NAALAD2: variants seen among roughly 807,000 people sequenced by gnomAD.
NAALAD2 encodes N-acetylated-alpha-linked acidic dipeptidase 2.
A neutral mutation model predicts 95.6 loss-of-function variants in NAALAD2; 89 were observed. The observed-to-expected ratio is 0.93, with a 90% CI of 0.78 to 1.11. The LOEUF (loss-of-function observed/expected upper bound fraction) is 1.11, where lower values mean the gene tolerates loss of function less well. Among genes scored for constraint, NAALAD2 ranks in the 50% least tolerant of loss-of-function variants. The probability of loss-of-function intolerance (pLI) is 0.00; values close to 1 mark genes in which losing one functional copy is unlikely to be tolerated. For missense variants in NAALAD2, 894 were observed against 872.4 expected (o/e 1.02, Z -0.31); for synonymous variants, 264 against 294.4 (o/e 0.90, Z 1.06).
rs137872752 is a variant in NAALAD2 at position 90,168,988 on chromosome 11, A to C, written c.1338A>C (p.Ile446=). Residue 446 remains isoleucine (I), a synonymous_variant, in exon 12 of 19, where the codon ATA becomes ATC. Coordinates refer to ENST00000534061, the MANE Select transcript of NAALAD2 (RefSeq NM_005467.4). ...CTTATATCAACTCGGATTCATCTAT[A>C]GAAGGTAAATTTTATTTCAATTTGA... ...SIAYINSDSS[I]EGNYTLRVDC... is the part of the protein sequence containing the mutation. 12,242 of 1,593,892 alleles carry C rather than the reference A, an allele frequency of 7.7e-3. 63 individuals are homozygous for C. Among genetic ancestry groups the C allele is most frequent in the Non-Finnish European group, 9.3e-3 (10,891 of 1,173,032 alleles).
chr11:90,153,976 T>C (rs1403184450), intron 6 of NAALAD2, among the ~76,000 whole-genome samples: 1 of 152,016 alleles, frequency 6.6e-6, no homozygotes, highest in Non-Finnish European at 1.5e-5. Flanking sequence ...GATTATGTCA[T>C]CTGCAAATGA....
rs753461717 is a variant in NAALAD2, at chr11:90,158,178, T to C, written c.830T>C (p.Val277Ala). ...TTCAGACTTGATGTTGAAGAAGGAG[T>C]GGGAATCCCCCGAATACCTGTACAT... The part of the protein sequence containing the change: ...YTFRLDVEEG[V>A]GIPRIPVHPI... Residue 277 changes from valine to alanine, a missense_variant, in exon 7 of 19, where the codon GTG becomes GCG. Physicochemically the swap from Val to Ala is moderately conservative, Grantham distance 64. Transcript: ENST00000534061. 2 of 1,610,120 alleles carry C rather than the reference T, an allele frequency of 1.2e-6. No homozygotes were observed. The highest frequency in any genetic ancestry group is 1.1e-5 in the South Asian group (1 of 90,188).
intron 14 of NAALAD2, 42 bp from the exon 15 acceptor site, chr11:90,175,926 TTATG>T (rs1565542434): frequency 7.9e-5 from 49 of 620,600 alleles, no homozygotes; most frequent in Non-Finnish European, 1.0e-4. Context: ...ATTTACTTGT[TTATG>T]TGTGTGTGTG....
chr11:90,171,518 T>A (rs114140663), intron 13 of NAALAD2, among the ~76,000 whole-genome samples: 228 of 152,300 alleles, frequency 1.5e-3, no homozygotes, highest in African/African-American at 5.1e-3. Flanking sequence ...TGATTTGTGC[T>A]GTCCTAGAGA....
chr11:90,184,476 C>T (rs1165748812), intron 18 of NAALAD2, among the ~76,000 whole-genome samples: 3 of 151,818 alleles, frequency 2.0e-5, no homozygotes, highest in Non-Finnish European at 2.9e-5. Context: ...TTCATTGATG[C>T]AAATGAAATA....
rs1266174133 is a variant in NAALAD2, at chr11:90,134,853, A to G, written c.82+13A>G. 2 of 1,613,352 alleles carry G rather than the reference A, an allele frequency of 1.2e-6. No individual in the cohort carries two copies. The highest frequency in any genetic ancestry group is 1.7e-6 in the Non-Finnish European group (2 of 1,179,356). ...GGATTTATGGTGGGTAAGTGAACAA[A>G]ACACTCTACCCCGACTCCGGGGCTC... On this transcript the variant is annotated intron_variant, in intron 1 of 18. Coordinates refer to ENST00000534061, the MANE Select transcript of NAALAD2 (RefSeq NM_005467.4).
At chr11:90,154,048 TC>T (rs1951959512) in intron 6 of NAALAD2, among the ~76,000 whole-genome samples, 7 of 147,624 alleles carry the variant, frequency 4.7e-5, no homozygotes, top group South Asian at 2.2e-4. Context: ...TCTCTCTCTC[TC>T]TCTCTGTCTC....
chr11:90,163,500 T>G, intron 10 of NAALAD2, 35 bp from the exon 11 acceptor site: 1 of 1,613,424 alleles, frequency 6.2e-7, no homozygotes, highest in Non-Finnish European at 8.5e-7. Flanking sequence ...TTTTAGGCAG[T>G]TGTACCTAAC....
At position 90,147,342 on chromosome 11, in the gene NAALAD2, G is replaced by A. The variant is rs189670857; in HGVS notation, c.207G>A (p.Lys69=). 3.7e-6 allele frequency: 6 copies of A among 1,612,676 alleles called. No homozygotes were observed. In the East Asian group the frequency reaches 1.1e-4, roughly 30 times the overall value. Residue 69 remains lysine (K), a synonymous_variant, in exon 3 of 19, where the codon AAG becomes AAA. Coordinates refer to ENST00000534061, the MANE Select transcript of NAALAD2 (RefSeq NM_005467.4). The part of the protein sequence containing the change: ...NIKSFLRSFT[K]LPHLAGTEQN... ...ATTTTCATTTTAGTTCTTTTACAAA[G>A]CTTCCTCATCTGGCAGGAACAGAAC...
intron 2 of NAALAD2, among the ~76,000 whole-genome samples, chr11:90,144,637 GA>G (rs1257715931): frequency 6.6e-6 from 1 of 151,460 alleles, no homozygotes; most frequent in African/African-American, 2.4e-5. Context: ...AGCTACTCAG[GA>G]GGCTGAGGCA....
At chr11:90,152,186 TG>T in intron 5 of NAALAD2, 111 bp from the exon 6 acceptor site, 1 of 952,316 alleles carries the variant, frequency 1.1e-6, no homozygotes. Context: ...TGTAATTGTA[TG>T]GTAAAAGGCA....
Position 90,135,849 on chromosome 11 carries a change from G to T in NAALAD2, c.194+179G>T, listed in dbSNP as rs562442899. ...CACCAGTCTTGGGGTGAAAAAGTAG[G>T]TCTTTCTTCCCTAACTTTATGTAAC... On this transcript the variant is annotated intron_variant, in intron 2 of 18. Transcript: ENST00000534061. 4.3e-4 allele frequency among the ~76,000 whole-genome samples: 65 copies of T among 150,810 alleles called. 1 individual carries two copies. In the South Asian group the frequency reaches 0.013, roughly 29 times the overall value.
intron 2 of NAALAD2, among the ~76,000 whole-genome samples, chr11:90,141,066 C>G (rs1951599611): frequency 6.6e-6 from 1 of 152,112 alleles, no homozygotes; most frequent in South Asian, 2.1e-4. Flanking sequence ...GAGACAGAGT[C>G]TTATTCTGTT....
rs1185422607 is a variant in NAALAD2 at position 90,142,467 on chromosome 11, G to A, written c.195-4863G>A. Among the ~76,000 whole-genome samples the A allele has an allele frequency of 3.3e-5, 5 of 152,040 alleles. No homozygotes were observed. The East Asian group carries it at 7.7e-4, about 23-fold the overall frequency. On this transcript the variant is annotated intron_variant, in intron 2 of 18. Transcript: ENST00000534061. The stretch of plus-strand genomic sequence containing the variant: ...TTTTATTTCATATGAATGGAGCCAC[G>A]TCAGCCTTCTAATACTTATGTTTAT...
At chr11:90,172,740 C>T (rs530850753) in intron 13 of NAALAD2, among the ~76,000 whole-genome samples, 23 of 152,074 alleles carry the variant, frequency 1.5e-4, no homozygotes, top group Non-Finnish European at 3.1e-4. Flanking sequence ...TCTCTGTTTC[C>T]GCATCTCTTT....
intron 9 of NAALAD2, 111 bp downstream of exon 9, chr11:90,163,145 C>A: frequency 8.3e-7 from 1 of 1,206,306 alleles, no homozygotes; most frequent in East Asian, 2.4e-5. Flanking sequence ...TTTGAAACTA[C>A]TAAATTTTGA....
At chr11:90,156,698 GC>G (rs1197773741) in intron 6 of NAALAD2, among the ~76,000 whole-genome samples, 1 of 152,174 alleles carries the variant, frequency 6.6e-6, no homozygotes, top group East Asian at 1.9e-4. Context: ...TGATTCTCCT[GC>G]CCCAGCCTCC....
chr11:90,167,279 G>T (rs1452568243), intron 11 of NAALAD2, among the ~76,000 whole-genome samples: 1 of 152,142 alleles, frequency 6.6e-6, no homozygotes, highest in Non-Finnish European at 1.5e-5. Context: ...GCCCGCCCTC[G>T]GAGGCGCCGG....
At chr11:90,190,118 A>G (rs1324529279) in intron 18 of NAALAD2, among the ~76,000 whole-genome samples, 1 of 152,158 alleles carries the variant, frequency 6.6e-6, no homozygotes, top group Non-Finnish European at 1.5e-5. Context: ...AAATTAGGGA[A>G]AGGATTTAGT....
Sources: gnomAD v4.1 joint callset for allele counts (sites outside exome capture counted in the v4.1 genomes callset) on GRCh38, gnomAD v4.1.1 for gene constraint, MANE v1.5 for transcripts, NCBI Gene and HGNC (gene_info 2026-07-23, HGNC 2026-07-21) for gene names.